MED15: variants seen among roughly 807,000 people sequenced by gnomAD.
MED15 encodes mediator complex subunit 15.
In MED15, 41 loss-of-function variants were observed where a neutral mutation model predicts 118.7. That is an observed-to-expected ratio of 0.35 (90% CI 0.27 to 0.45). The LOEUF (loss-of-function observed/expected upper bound fraction) is 0.45. Ranked by LOEUF, MED15 falls within the 20% of genes least tolerant of loss-of-function variation. MED15 has a pLI of 1.00. For missense variants in MED15, 740 were observed against 1,025.5 expected (o/e 0.72, Z 3.80); for synonymous variants, 436 against 413.9 (o/e 1.05, Z -0.65).
At chr22:20,515,976 C>T (rs1437337057) in intron 1 of MED15, among the ~76,000 whole-genome samples, 3 of 149,598 alleles carry the variant, frequency 2.0e-5, no homozygotes, top group Non-Finnish European at 1.5e-5. Context: ...TCACTCTAGC[C>T]GGTGACAGAG....
At position 20,575,156 on chromosome 22, in the gene MED15, C is replaced by T. The variant is rs775894776; in HGVS notation, c.1196C>T (p.Ala399Val). 4 of 1,614,182 alleles carry T rather than the reference C, an allele frequency of 2.5e-6. No homozygotes were observed. The East Asian group carries it at 8.9e-5, about 36-fold the overall frequency. ...GCCCAAGGTGGGATGCACATAAGAG[C>T]CCGGTTCCCGCCTACCACCGCTGTG... ...ALAQGGMHIR[A>V]RFPPTTAVSA... The change falls in exon 9 of 18, where the codon GCC becomes GTC. Residue 399 changes from alanine (A) to valine (V), a missense_variant. Ala to Val is a moderately conservative substitution (Grantham distance 64). Around this residue, in one of 7 missense-constraint regions of MED15, gnomAD observed 384 missense variants for 506.3 expected, o/e 0.76. Transcript: ENST00000263205.
At chr22:20,533,973 C>T (rs565075027) in intron 1 of MED15, among the ~76,000 whole-genome samples, 2 of 152,266 alleles carry the variant, frequency 1.3e-5, no homozygotes, top group African/African-American at 4.8e-5. Flanking sequence ...TGTCTGGGGC[C>T]TGCCAGTCTG....
intron 1 of MED15, among the ~76,000 whole-genome samples, chr22:20,526,218 A>G (rs1251279850): frequency 6.6e-6 from 1 of 152,194 alleles, no homozygotes; most frequent in Admixed American, 6.5e-5. Context: ...AAATTTTATC[A>G]ACATAATATA....
At chr22:20,568,415 T>C in intron 7 of MED15, 106 bp from the exon 8 acceptor site, 1 of 1,492,144 alleles carries the variant, frequency 6.7e-7, no homozygotes, top group Non-Finnish European at 9.0e-7. Flanking sequence ...GAAAGTCCCA[T>C]TCCTCACCTC....
chr22:20,540,949 C>A (rs1266945687), intron 2 of MED15, among the ~76,000 whole-genome samples: 2 of 152,090 alleles, frequency 1.3e-5, no homozygotes, highest in Admixed American at 1.3e-4. Flanking sequence ...CAAAATACAG[C>A]CAGGCGCGGT....
chr22:20,559,720 C>T (rs192105750), intron 5 of MED15, among the ~76,000 whole-genome samples: 2 of 152,290 alleles, frequency 1.3e-5, no homozygotes, highest in East Asian at 3.9e-4. Context: ...CATTTGTATG[C>T]CAGCAAGACT....
At chr22:20,562,628 T>C (rs2146570669) in intron 5 of MED15, among the ~76,000 whole-genome samples, 1 of 152,284 alleles carries the variant, frequency 6.6e-6, no homozygotes, top group Admixed American at 6.5e-5. Context: ...GTGATCCTCC[T>C]GCCTGAGCCT....
At chr22:20,512,890 C>T (rs1346390700) in intron 1 of MED15, among the ~76,000 whole-genome samples, 2 of 151,550 alleles carry the variant, frequency 1.3e-5, no homozygotes, top group Non-Finnish European at 2.9e-5. Flanking sequence ...TACAGGCATG[C>T]GCCACCAGGC....
At chr22:20,540,036 G>GT (rs1033327007) in intron 2 of MED15, among the ~76,000 whole-genome samples, 11 of 151,764 alleles carry the variant, frequency 7.2e-5, no homozygotes, top group Non-Finnish European at 1.2e-4. Flanking sequence ...TTTTATTTTT[G>GT]TTTTTTTGAG....
chr22:20,585,699 G>C (rs1442442752), intron 16 of MED15, 29 bp from the exon 17 acceptor site: 2 of 1,600,502 alleles, frequency 1.2e-6, no homozygotes, highest in Non-Finnish European at 1.7e-6. Flanking sequence ...GGCTTGTCCA[G>C]GTCACAGATA....
chr22:20,564,611 C>G lies in MED15; in HGVS notation c.613C>G (p.Gln205Glu), dbSNP rs1194518330. 1 of 1,578,528 alleles carries G rather than the reference C, an allele frequency of 6.3e-7. No individual in the cohort carries two copies. Among genetic ancestry groups the G allele is most frequent in the Admixed American group, 1.7e-5 (1 of 58,710 alleles). Residue 205 changes from glutamine to glutamate, a missense_variant, in exon 6 of 18, where the codon CAG becomes GAG. Gln to Glu is a conservative substitution (Grantham distance 29, BLOSUM62 2). Around this residue, in one of 7 missense-constraint regions of MED15, gnomAD observed 384 missense variants for 506.3 expected, o/e 0.76. Coordinates refer to ENST00000263205, the MANE Select transcript of MED15 (RefSeq NM_001003891.3). ...AMQQQFQAVV[Q>E]QQQQLQQQQQ... ...GCAGCAGCAGTTCCAAGCAGTAGTG[C>G]AGCAGCAGCAGCAGCTCCAGCAGCA...
intron 5 of MED15, among the ~76,000 whole-genome samples, chr22:20,560,603 C>T (rs749446505): frequency 6.6e-6 from 1 of 152,080 alleles, no homozygotes; most frequent in African/African-American, 2.4e-5. Context: ...CTTATGTTGC[C>T]CAGGCTGGTC....
At chr22:20,555,325 C>T (rs1015375325) in intron 5 of MED15, among the ~76,000 whole-genome samples, 177 bp downstream of exon 5, 2 of 152,198 alleles carry the variant, frequency 1.3e-5, no homozygotes, top group African/African-American at 4.8e-5. Flanking sequence ...TTTCGTTGAG[C>T]TCCCAGAAGG....
chr22:20,515,600 G>C (rs997417035), intron 1 of MED15, among the ~76,000 whole-genome samples: 1 of 151,960 alleles, frequency 6.6e-6, no homozygotes, highest in African/African-American at 2.4e-5. Context: ...GACCAGTCTG[G>C]GCAACATGGT....
Position 20,507,733 on chromosome 22 carries a change from C to T in MED15, c.55C>T (p.Leu19=), listed in dbSNP as rs1569158437. 1 of 1,613,942 alleles carries T rather than the reference C, an allele frequency of 6.2e-7. No individual in the cohort carries two copies. Among genetic ancestry groups the T allele is most frequent in the Non-Finnish European group, 8.5e-7 (1 of 1,179,940 alleles). The part of the protein sequence containing the change: ...DWRSTAFRQK[L]VSQIEDAMRK... ...GCGGAGCACCGCCTTCCGGCAGAAG[C>T]TGGTCAGTCAAATGTGAGTAGTGGT... The change falls in exon 1 of 18, where the codon CTG becomes TTG. Residue 19 remains leucine (L), a synonymous_variant. Coordinates refer to ENST00000263205, the MANE Select transcript of MED15 (RefSeq NM_001003891.3).
intron 2 of MED15, among the ~76,000 whole-genome samples, chr22:20,548,033 TCACTGAGTTGC>T (rs2055620944): frequency 6.6e-6 from 1 of 152,026 alleles, no homozygotes; most frequent in Admixed American, 6.6e-5. Flanking sequence ...GAAATAAAAT[TCACTGAGTTGC>T]CCCTGAGTTG....
At chr22:20,518,286 C>A (rs757115872) in intron 1 of MED15, among the ~76,000 whole-genome samples, 3 of 152,234 alleles carry the variant, frequency 2.0e-5, no homozygotes, top group Non-Finnish European at 4.4e-5. Context: ...CCAGACCAGC[C>A]TTCCCAGGAT....
intron 2 of MED15, among the ~76,000 whole-genome samples, chr22:20,541,682 G>A (rs1213590817): frequency 2.1e-5 from 3 of 142,102 alleles, no homozygotes; most frequent in Admixed American, 7.2e-5. Context: ...ATGGAGTCTC[G>A]CTCTGTCGCC....
Position 20,507,633 on chromosome 22 carries a change from G to C in MED15, c.-46G>C, listed in dbSNP as rs775262160. 6.2e-7 allele frequency: 1 copy of C among 1,611,912 alleles called. No individual in the cohort carries two copies. The highest frequency in any genetic ancestry group is 2.2e-5 in the East Asian group (1 of 44,866). ...CTGGCTCTGTGACTGAGGCGGCGGC[G>C]GTGGCGGCCAAGCGGGATACGGGCG... On this transcript the variant is annotated 5_prime_UTR_variant, in exon 1 of 18. Coordinates refer to ENST00000263205, the MANE Select transcript of MED15 (RefSeq NM_001003891.3).
Sources: gnomAD v4.1 joint callset for allele counts (sites outside exome capture counted in the v4.1 genomes callset) on GRCh38, gnomAD v4.1.1 for gene constraint, gnomAD v4.1.1 regional missense constraint, MANE v1.5 for transcripts, NCBI Gene and HGNC (gene_info 2026-07-23, HGNC 2026-07-21) for gene names.